MERTK: variants seen among roughly 807,000 people sequenced by gnomAD.
MERTK encodes the protein MER proto-oncogene, tyrosine kinase, also known as tyrosine-protein kinase Mer.
In MERTK, 69 loss-of-function variants were observed where a neutral mutation model predicts 99.3. That is an observed-to-expected ratio of 0.70 (90% CI 0.57 to 0.85). The LOEUF is 0.85. Among genes scored for constraint, MERTK ranks in the 40% least tolerant of loss-of-function variants. MERTK has a pLI of 0.00. For synonymous variants in MERTK, 426 were observed against 467.6 expected, an observed-to-expected ratio of 0.91 and a Z score of 1.15; for missense variants, 1,125 against 1,249.4, an observed-to-expected ratio of 0.90 and a Z score of 1.50.
chr2:111,905,535 C>T (rs1684122281), intron 1 of MERTK, among the ~76,000 whole-genome samples: 1 of 139,090 alleles, frequency 7.2e-6, no homozygotes, highest in African/African-American at 2.7e-5. Flanking sequence ...TGGGTTCAAG[C>T]GATTGAACCC....
intron 16 of MERTK, 116 bp downstream of exon 16, chr2:112,019,638 G>A: frequency 1.2e-6 from 1 of 817,066 alleles, no homozygotes; most frequent in African/African-American, 1.7e-5. Flanking sequence ...GTCAGCGGGG[G>A]ATGGTGTGGC....
chr2:112,016,270 T>C (rs1366314329), intron 15 of MERTK, among the ~76,000 whole-genome samples: 2 of 152,200 alleles, frequency 1.3e-5, no homozygotes, highest in African/African-American at 4.8e-5. Flanking sequence ...TTTTACTGAC[T>C]GATGAATAGT....
At chr2:111,972,362 GA>G (rs1210148858) in intron 6 of MERTK, among the ~76,000 whole-genome samples, 2 of 152,206 alleles carry the variant, frequency 1.3e-5, no homozygotes, top group African/African-American at 4.8e-5. Context: ...TGAGGATGGT[GA>G]GCTTCAGGGA....
chr2:112,016,159 C>G (rs1386960410), intron 15 of MERTK, among the ~76,000 whole-genome samples: 1 of 152,146 alleles, frequency 6.6e-6, no homozygotes, highest in Non-Finnish European at 1.5e-5. Context: ...TGCCCTTCCA[C>G]TGAAACTTTA....
chr2:112,014,468 C>T (rs528557435), intron 15 of MERTK, among the ~76,000 whole-genome samples: 3 of 152,090 alleles, frequency 2.0e-5, no homozygotes, highest in South Asian at 2.1e-4. Flanking sequence ...CTAGCTGTTA[C>T]GTTGTATAAT....
In MERTK at chr2:111,921,655, T is replaced by A. The variant is rs148218559; in HGVS notation, c.62-7465T>A. On this transcript the variant is annotated intron_variant, in intron 1 of 18. Transcript: ENST00000295408. Reference sequence around the variant, plus strand: ...GTGCATCCTCTTGGCCATGCATTTATGTGCCATATGTTCATGTGTGCTTGA... The same window carrying A: ...GTGCATCCTCTTGGCCATGCATTTAAGTGCCATATGTTCATGTGTGCTTGA... Among the ~76,000 whole-genome samples, 130 of 152,328 alleles carry A rather than the reference T, an allele frequency of 8.5e-4. 1 individual carries two copies. Among genetic ancestry groups the A allele is most frequent in the African/African-American group, 2.8e-3 (117 of 41,588 alleles).
intron 2 of MERTK, chr2:111,940,369 A>G: frequency 1.9e-6 from 1 of 525,932 alleles, no homozygotes; most frequent in Non-Finnish European, 3.8e-6. Context: ...AACAGCTGCT[A>G]TGGCTTCATT....
At chr2:111,969,401 T>C (rs912305291) in intron 6 of MERTK, among the ~76,000 whole-genome samples, 1 of 152,168 alleles carries the variant, frequency 6.6e-6, no homozygotes, top group African/African-American at 2.4e-5. Flanking sequence ...CCACTAAAAG[T>C]ATTAATGCAT....
At chr2:111,926,371 A>G (rs944882342) in intron 1 of MERTK, among the ~76,000 whole-genome samples, 1 of 152,228 alleles carries the variant, frequency 6.6e-6, no homozygotes, top group African/African-American at 2.4e-5. Context: ...CTCAGTGAAT[A>G]GGAAGAACCA....
At chr2:111,973,382 G>A (rs1006004675) in intron 6 of MERTK, among the ~76,000 whole-genome samples, 2 of 151,988 alleles carry the variant, frequency 1.3e-5, no homozygotes, top group Admixed American at 6.5e-5. Context: ...CTGGGTTCTC[G>A]TTTCTCCTCT....
intron 2 of MERTK, among the ~76,000 whole-genome samples, chr2:111,936,497 C>G (rs1393296482): frequency 2.0e-5 from 3 of 152,158 alleles, no homozygotes; most frequent in Non-Finnish European, 4.4e-5. Flanking sequence ...ATGTTCTGCT[C>G]CTAGCCTAGG....
At chr2:111,920,737 T>G (rs1187758591) in intron 1 of MERTK, among the ~76,000 whole-genome samples, 1 of 152,140 alleles carries the variant, frequency 6.6e-6, no homozygotes, top group Non-Finnish European at 1.5e-5. Context: ...CACTGCAACT[T>G]CTGCCTCCCG....
At chr2:112,027,163 TTA>T (rs1054067125) in intron 18 of MERTK, among the ~76,000 whole-genome samples, 5 of 149,500 alleles carry the variant, frequency 3.3e-5, no homozygotes, top group South Asian at 2.1e-4. Flanking sequence ...TTTTAAAATT[TTA>T]TATATATATA....
At chr2:111,941,330 C>T (rs780079078) in intron 2 of MERTK, among the ~76,000 whole-genome samples, 1 of 152,176 alleles carries the variant, frequency 6.6e-6, no homozygotes, top group Non-Finnish European at 1.5e-5. Context: ...GGATCTTCAC[C>T]TCATCTTAGA....
At chr2:112,012,306 C>CCACCCCCA (rs1313133943) in intron 15 of MERTK, among the ~76,000 whole-genome samples, 2 of 98,612 alleles carry the variant, frequency 2.0e-5, no homozygotes, top group Non-Finnish European at 4.6e-5. Context: ...CACTTCCCCC[C>CCACCCCCA]CACCCCCACA....
intron 1 of MERTK, among the ~76,000 whole-genome samples, chr2:111,911,367 A>G (rs941821288): frequency 4.0e-5 from 6 of 151,806 alleles, no homozygotes; most frequent in African/African-American, 1.5e-4. Context: ...TTATTTATCC[A>G]ATCTCCTCCT....
At chr2:112,002,898 A>G (rs894470341) in intron 11 of MERTK, among the ~76,000 whole-genome samples, 194 bp from the exon 12 acceptor site, 32 of 152,174 alleles carry the variant, frequency 2.1e-4, no homozygotes, top group African/African-American at 7.7e-4. Context: ...GCTTGAACCC[A>G]GGAGGCAGAG....
chr2:112,010,030 T>A lies in MERTK; in HGVS notation c.2043T>A (p.Thr681=). 1 of 1,613,632 alleles carries A rather than the reference T, an allele frequency of 6.2e-7. No homozygotes were observed. Among genetic ancestry groups the A allele is most frequent in the Non-Finnish European group, 8.5e-7 (1 of 1,179,570 alleles). ...LPFMKYGDLH[T]YLLYSRLETG... is the part of the protein sequence containing the mutation. Reference sequence around the variant, plus strand: ...TCATGAAATACGGGGACCTGCATACTTACTTACTTTATTCCCGATTGGAGA... The same window carrying A: ...TCATGAAATACGGGGACCTGCATACATACTTACTTTATTCCCGATTGGAGA... The change falls in exon 15 of 19, where the codon ACT becomes ACA. Residue 681 remains threonine, a synonymous_variant. Coordinates refer to ENST00000295408, the MANE Select transcript of MERTK (RefSeq NM_006343.3).
intron 1 of MERTK, among the ~76,000 whole-genome samples, chr2:111,925,275 GAT>G (rs201320082): frequency 0.016 from 820 of 52,136 alleles, 60 homozygotes; most frequent in East Asian, 0.051. Context: ...GTACAGATCA[GAT>G]ATATATATAT....
Sources: gnomAD v4.1 joint callset for allele counts (sites outside exome capture counted in the v4.1 genomes callset) on GRCh38, gnomAD v4.1.1 for gene constraint, MANE v1.5 for transcripts, NCBI Gene and HGNC (gene_info 2026-07-23, HGNC 2026-07-21) for gene names.